MTR: variants seen among roughly 807,000 people sequenced by gnomAD.
MTR encodes the protein methionine synthase.
MTR carries 84 observed loss-of-function variants against 154.8 expected under a neutral mutation model. The ratio of observed to expected loss-of-function variants is 0.54; its 90% CI spans 0.45 to 0.65. MTR has a LOEUF of 0.65. Ranked by LOEUF, MTR falls within the 30% of genes least tolerant of loss-of-function variation. The probability of loss-of-function intolerance (pLI) is 0.00; values close to 1 mark genes in which losing one functional copy is unlikely to be tolerated. For missense variants in MTR, 1,275 were observed against 1,570.2 expected (o/e 0.81, Z 3.18); for synonymous variants, 554 against 553.9 (o/e 1.00, Z 0.00).
At chr1:236,869,548 ACATT>A (rs1665006788) in intron 22 of MTR, among the ~76,000 whole-genome samples, 1 of 152,204 alleles carries the variant, frequency 6.6e-6, no homozygotes, top group Non-Finnish European at 1.5e-5. Context: ...AACTTCCGTA[ACATT>A]CATTTTTATT....
At chr1:236,825,140 A>ATTTTTTTTT (rs749672025) in intron 9 of MTR, among the ~76,000 whole-genome samples, 198 bp from the exon 10 acceptor site, 35,528 of 110,764 alleles carry the variant, frequency 0.32, 5,960 homozygotes, top group Non-Finnish European at 0.39. Context: ...TTCCTCTGTG[A>ATTTTTTTTT]TTTTTTTTTT....
chr1:236,831,269 C>T (rs1248622016), intron 12 of MTR, among the ~76,000 whole-genome samples: 3 of 152,214 alleles, frequency 2.0e-5, no homozygotes, highest in Non-Finnish European at 4.4e-5. Flanking sequence ...GTTTTTACTT[C>T]AGTGTGATAT....
chr1:236,881,493 C>A (rs1267682485), intron 25 of MTR, among the ~76,000 whole-genome samples: 1 of 151,984 alleles, frequency 6.6e-6, no homozygotes, highest in African/African-American at 2.4e-5. Flanking sequence ...TGACGTCTTA[C>A]CTGGAAATTT....
chr1:236,827,216 G>T (rs1395304920), intron 11 of MTR, among the ~76,000 whole-genome samples: 1 of 152,158 alleles, frequency 6.6e-6, no homozygotes, highest in Non-Finnish European at 1.5e-5. Context: ...CATGAAAGAG[G>T]CCTTAAAAGA....
intron 13 of MTR, among the ~76,000 whole-genome samples, chr1:236,833,826 A>G (rs1401158243): frequency 1.3e-5 from 2 of 152,184 alleles, no homozygotes; most frequent in Non-Finnish European, 2.9e-5. Flanking sequence ...AATAGGTCAG[A>G]TATTGGCATT....
chr1:236,828,386 T>C (rs907151280), intron 11 of MTR, among the ~76,000 whole-genome samples: 1 of 152,232 alleles, frequency 6.6e-6, no homozygotes, highest in African/African-American at 2.4e-5. Flanking sequence ...GTTTCCTCTT[T>C]AAAAAGAGGA....
chr1:236,820,450 C>A, intron 8 of MTR: 1 of 1,398,298 alleles, frequency 7.2e-7, no homozygotes, highest in Non-Finnish European at 1.0e-6. Context: ...CAGCCTGCCA[C>A]GGAAGACTGG....
rs200109549 is a variant in MTR at position 236,812,739 on chromosome 1, A to G, written c.504A>G (p.Thr168=). Residue 168 remains threonine, a splice_region_variant and synonymous_variant, in exon 6 of 33, where the codon ACA becomes ACG. Coordinates refer to ENST00000366577, the MANE Select transcript of MTR (RefSeq NM_000254.3). ...CTGGGTGTGATTTATTTTTTGCAGCATTTGATGAGCTTGTTGAAGCATACC... is the reference window on the plus strand; with the variant it reads ...CTGGGTGTGATTTATTTTTTGCAGCGTTTGATGAGCTTGTTGAAGCATACC... ...SVERPDYRNI[T]FDELVEAYQE... 51 of 1,613,746 alleles carry G rather than the reference A, an allele frequency of 3.2e-5. No homozygotes were observed. Among genetic ancestry groups the G allele is most frequent in the Non-Finnish European group, 4.3e-5 (51 of 1,179,766 alleles).
rs1231449977 is a variant in MTR, at chr1:236,903,685, A to G, written c.*6041A>G. Reference sequence around the variant, plus strand: ...ACAATCTCTGCCATCCATAAGGTAAATGTAATACATCTGGCGACCTGCTGA... The same window carrying G: ...ACAATCTCTGCCATCCATAAGGTAAGTGTAATACATCTGGCGACCTGCTGA... On this transcript the variant is annotated 3_prime_UTR_variant, in exon 33 of 33. Transcript: ENST00000366577. 7 of 152,224 alleles carry G rather than the reference A, an allele frequency of 4.6e-5. No homozygotes were observed. The highest frequency in any genetic ancestry group is 1.0e-4 in the Non-Finnish European group (7 of 68,040). 9.4% of individuals were successfully genotyped at this position (152,224 alleles called of 1,614,324 possible).
At chr1:236,829,385 A>G (rs1359822522) in intron 12 of MTR, 117 bp downstream of exon 12, 6 of 883,754 alleles carry the variant, frequency 6.8e-6, no homozygotes, top group East Asian at 4.9e-5. Context: ...AGAAGAATCC[A>G]TATATTCTTG....
At chr1:236,835,464 G>T (rs1662851808) in intron 13 of MTR, 83 bp from the exon 14 acceptor site, 3 of 1,546,254 alleles carry the variant, frequency 1.9e-6, no homozygotes, top group Non-Finnish European at 2.7e-6. Flanking sequence ...AAGGATTGCT[G>T]GGAAGGGTAA....
At chr1:236,874,585 A>AG (rs1665324815) in intron 23 of MTR, 141 bp from the exon 24 acceptor site, 4 of 643,118 alleles carry the variant, frequency 6.2e-6, no homozygotes, top group Admixed American at 3.1e-5. Flanking sequence ...AAAAAAAAAA[A>AG]GAATTAGGAA....
At chr1:236,796,672 T>A (rs962335667) in intron 1 of MTR, among the ~76,000 whole-genome samples, 1 of 152,118 alleles carries the variant, frequency 6.6e-6, no homozygotes, top group African/African-American at 2.4e-5. Flanking sequence ...GAACTGTGGC[T>A]GAGAAACACA....
In MTR at chr1:236,887,178, C is replaced by T. The variant is rs557940547; in HGVS notation, c.2851+811C>T. Among the ~76,000 whole-genome samples, 8 of 152,314 alleles carry T rather than the reference C, an allele frequency of 5.3e-5. No individual in the cohort carries two copies. In the East Asian group the frequency reaches 1.4e-3, roughly 26 times the overall value. On this transcript the variant is annotated intron_variant, in intron 27 of 32. Transcript: ENST00000366577. ...GTATCAAATCAGCTTTCATTGCTCA[C>T]GACATCTGTGTTCTACACATGCTTG...
Position 236,796,650 on chromosome 1 carries a change from T to C in MTR, c.34+913T>C, listed in dbSNP as rs1660405971. Among the ~76,000 whole-genome samples the C allele has an allele frequency of 2.6e-5, 4 of 152,072 alleles. No homozygotes were observed. The South Asian group carries it at 6.2e-4, about 24-fold the overall frequency. The stretch of plus-strand genomic sequence containing the variant: ...GATAACGGGACTGATATAATTGTTC[T>C]TGAAACTAGTGGAACTGTGGCTGAG... On this transcript the variant is annotated intron_variant, in intron 1 of 32. Coordinates refer to ENST00000366577, the MANE Select transcript of MTR (RefSeq NM_000254.3).
At position 236,815,968 on chromosome 1, in the gene MTR, A is replaced by G. The variant is rs111962648; in HGVS notation, c.669+305A>G. Among the ~76,000 whole-genome samples the G allele has an allele frequency of 3.1e-3, 479 of 152,312 alleles. 1 individual carries two copies. The highest frequency in any genetic ancestry group is 0.014 in the Middle Eastern group (4 of 294). ...CTCATTAGGGCCCAAGGAGGGGTGG[A>G]CTTGCATGCTGATGGCCACATACCC... is the stretch of plus-strand genomic sequence containing the variant. On this transcript the variant is annotated intron_variant, in intron 7 of 32. Transcript: ENST00000366577.
At chr1:236,818,784 A>C (rs150453686) in intron 8 of MTR, among the ~76,000 whole-genome samples, 2 of 152,366 alleles carry the variant, frequency 1.3e-5, no homozygotes, top group African/African-American at 2.4e-5. Flanking sequence ...AATTCATCAA[A>C]TATTTATTGA....
upstream of MTR, chr1:236,795,281 A>G (rs1324557185): frequency 4.2e-6 from 5 of 1,197,060 alleles, no homozygotes; most frequent in Non-Finnish European, 5.3e-6. Flanking sequence ...CGCCGAGGAT[A>G]GATTGAGCGC....
In MTR at chr1:236,900,767, TGAG is replaced by T. The variant is rs1202257382; in HGVS notation, c.*3125_*3127del. On this transcript the variant is annotated 3_prime_UTR_variant, in exon 33 of 33. Transcript: ENST00000366577. ...TTAGGGTAAACAGCAGCTAGAAAGG[TGAG>T]GGGCAGGAGAGTGGTGCATCCTTGC... 3 of 152,234 alleles carry T rather than the reference TGAG, an allele frequency of 2.0e-5. No homozygotes were observed. Among genetic ancestry groups the T allele is most frequent in the Non-Finnish European group, 4.4e-5 (3 of 68,050 alleles). The allele number at this position is 152,234 out of a possible 1,614,324, so 9.4% of individuals were successfully genotyped here. A position where few individuals can be genotyped will look rare whatever the true frequency, so the allele number is the denominator to read the frequency against.
Sources: gnomAD v4.1 joint callset for allele counts (sites outside exome capture counted in the v4.1 genomes callset) on GRCh38, gnomAD v4.1.1 for gene constraint, MANE v1.5 for transcripts, NCBI Gene and HGNC (gene_info 2026-07-23, HGNC 2026-07-21) for gene names.